CHRM3: variants seen among roughly 807,000 people sequenced by gnomAD.
CHRM3 encodes the protein muscarinic acetylcholine receptor M3.
Under a neutral mutation model 41.8 loss-of-function variants are expected in CHRM3, and 11 were observed. The observed-to-expected ratio is 0.26, with a 90% CI of 0.17 to 0.44. CHRM3 has a LOEUF of 0.44. Ranked by LOEUF, CHRM3 falls within the 20% of genes least tolerant of loss-of-function variation. The probability of loss-of-function intolerance (pLI) is 1.00; values close to 1 mark genes in which losing one functional copy is unlikely to be tolerated. For missense variants in CHRM3, 571 were observed against 745.4 expected, an observed-to-expected ratio of 0.77 and a Z score of 2.72; for synonymous variants, 297 against 301.4, an observed-to-expected ratio of 0.99 and a Z score of 0.15.
chr1:239,409,058 C>A (rs1660869105), intron 1 of CHRM3, among the ~76,000 whole-genome samples: 1 of 152,156 alleles, frequency 6.6e-6, no homozygotes, highest in Non-Finnish European at 1.5e-5. Context: ...TCAGATTTTT[C>A]ACATTAAAAT....
At chr1:239,447,428 G>T (rs1234801858) in intron 1 of CHRM3, among the ~76,000 whole-genome samples, 1 of 152,090 alleles carries the variant, frequency 6.6e-6, no homozygotes, top group Non-Finnish European at 1.5e-5. Flanking sequence ...AGGAGGGAAA[G>T]TTCTGGAAGA....
At chr1:239,737,214 A>C (rs568730139) in intron 5 of CHRM3, among the ~76,000 whole-genome samples, 23 of 152,160 alleles carry the variant, frequency 1.5e-4, no homozygotes, top group Non-Finnish European at 3.1e-4. Flanking sequence ...TTTTCATCCC[A>C]CATTTTAATA....
At chr1:239,448,931 G>A (rs530729695) in intron 1 of CHRM3, among the ~76,000 whole-genome samples, 196 of 152,102 alleles carry the variant, frequency 1.3e-3, no homozygotes, top group Non-Finnish European at 2.4e-3. Context: ...TTAGAATACC[G>A]TGGTCTGAAA....
intron 5 of CHRM3, among the ~76,000 whole-genome samples, chr1:239,825,071 G>C (rs1299552601): frequency 6.6e-6 from 1 of 152,218 alleles, no homozygotes; most frequent in East Asian, 1.9e-4. Flanking sequence ...TTACAGTGGT[G>C]GGCCAAGCAA....
At chr1:239,789,543 A>G (rs1036289199) in intron 5 of CHRM3, among the ~76,000 whole-genome samples, 1 of 152,132 alleles carries the variant, frequency 6.6e-6, no homozygotes, top group African/African-American at 2.4e-5. Flanking sequence ...GGCTGCTTCC[A>G]CTCATGGAGG....
At chr1:239,681,907 AT>A (rs1320891084) in intron 5 of CHRM3, among the ~76,000 whole-genome samples, 1 of 152,066 alleles carries the variant, frequency 6.6e-6, no homozygotes, top group East Asian at 1.9e-4. Flanking sequence ...AAAAAGAAAG[AT>A]GTTATAAGGT....
chr1:239,671,990 TG>T lies in CHRM3; in HGVS notation c.-249-6195del, dbSNP rs1674416192. Among the ~76,000 whole-genome samples the T allele has an allele frequency of 2.0e-5, 3 of 152,188 alleles. No individual in the cohort carries two copies. In the South Asian group the frequency reaches 6.2e-4, roughly 32 times the overall value. The stretch of plus-strand genomic sequence containing the variant: ...GTGAAAGGGAGGAGACAAAGCAGTC[TG>T]AATCATGCCTCCCAGCTTTTCCACC... On this transcript the variant is annotated intron_variant, in intron 4 of 6. Transcript: ENST00000676153.
chr1:239,803,904 T>C (rs1670413436), intron 5 of CHRM3, among the ~76,000 whole-genome samples: 1 of 152,202 alleles, frequency 6.6e-6, no homozygotes, highest in African/African-American at 2.4e-5. Context: ...AGCACGTTTG[T>C]CTGAATTTAA....
chr1:239,682,480 A>G (rs1392079061), intron 5 of CHRM3, among the ~76,000 whole-genome samples: 1 of 152,138 alleles, frequency 6.6e-6, no homozygotes, highest in South Asian at 2.1e-4. Flanking sequence ...TTGCCACTAC[A>G]TGGAAGAGCT....
At chr1:239,788,163 G>A (rs966271212) in intron 5 of CHRM3, among the ~76,000 whole-genome samples, 1 of 152,212 alleles carries the variant, frequency 6.6e-6, no homozygotes, top group African/African-American at 2.4e-5. Flanking sequence ...TTGAGCCCAG[G>A]AGTTTGAGGC....
intron 5 of CHRM3, among the ~76,000 whole-genome samples, chr1:239,692,335 C>T (rs1284911593): frequency 6.6e-6 from 1 of 152,090 alleles, no homozygotes; most frequent in East Asian, 1.9e-4. Context: ...TAAATCTGCT[C>T]AGAGAGATTT....
chr1:239,662,902 T>C (rs547577541), intron 4 of CHRM3, among the ~76,000 whole-genome samples: 15 of 137,330 alleles, frequency 1.1e-4, no homozygotes, highest in African/African-American at 3.8e-4. Flanking sequence ...CCTCTTCTTC[T>C]TCTTCTTCTT....
intron 5 of CHRM3, among the ~76,000 whole-genome samples, chr1:239,695,377 C>A (rs1169692761): frequency 1.3e-5 from 2 of 152,148 alleles, no homozygotes; most frequent in African/African-American, 2.4e-5. Context: ...ACTATATACA[C>A]AGTACTAACA....
At chr1:239,739,015 T>G (rs1413543881) in intron 5 of CHRM3, among the ~76,000 whole-genome samples, 1 of 152,148 alleles carries the variant, frequency 6.6e-6, no homozygotes, top group Non-Finnish European at 1.5e-5. Flanking sequence ...TTCCATAGAT[T>G]TCAATCGTTT....
At chr1:239,755,530 A>G (rs1666171029) in intron 5 of CHRM3, among the ~76,000 whole-genome samples, 1 of 152,220 alleles carries the variant, frequency 6.6e-6, no homozygotes, top group Admixed American at 6.5e-5. Flanking sequence ...CCAGAGATTT[A>G]TTTAGTTCAG....
At chr1:239,505,051 T>C (rs1668477614) in intron 2 of CHRM3, among the ~76,000 whole-genome samples, 1 of 152,126 alleles carries the variant, frequency 6.6e-6, no homozygotes, top group Non-Finnish European at 1.5e-5. Flanking sequence ...TGTACCTCAA[T>C]AACTTATGGA....
chr1:239,536,700 A>C lies in CHRM3; in HGVS notation c.-421-8941A>C, dbSNP rs572416328. On this transcript the variant is annotated intron_variant, in intron 2 of 6. Coordinates refer to ENST00000676153, the MANE Select transcript of CHRM3 (RefSeq NM_001375978.1). ...TGTAAAACAAGAAAACCCTGGTCGT[A>C]ATGTTTTCTATGTTCTTTTGGCTGC... is the stretch of plus-strand genomic sequence containing the variant. Among the ~76,000 whole-genome samples the C allele has an allele frequency of 3.3e-5, 5 of 152,302 alleles. No homozygotes were observed. The South Asian group carries it at 1.0e-3, about 32-fold the overall frequency.
At chr1:239,549,026 A>G (rs1659553751) in intron 3 of CHRM3, among the ~76,000 whole-genome samples, 2 of 152,274 alleles carry the variant, frequency 1.3e-5, no homozygotes, top group South Asian at 4.1e-4. Flanking sequence ...AGCAAGGAGG[A>G]GCAAGTCACA....
intron 6 of CHRM3, among the ~76,000 whole-genome samples, chr1:239,892,170 C>T (rs1678608122): frequency 6.6e-6 from 1 of 152,178 alleles, no homozygotes; most frequent in Non-Finnish European, 1.5e-5. Context: ...TGTTTTTAAT[C>T]CCGTAGAGCC....
Sources: gnomAD v4.1 joint callset for allele counts (sites outside exome capture counted in the v4.1 genomes callset) on GRCh38, gnomAD v4.1.1 for gene constraint, MANE v1.5 for transcripts, NCBI Gene and HGNC (gene_info 2026-07-23, HGNC 2026-07-21) for gene names.